Variants in MCF2L observed in about 807,000 individuals in gnomAD.
MCF2L encodes MCF.2 cell line derived transforming sequence like.
In MCF2L, 97 loss-of-function variants were observed where a neutral mutation model predicts 153.4. The observed-to-expected ratio is 0.63, with a 90% CI of 0.54 to 0.75. The LOEUF (loss-of-function observed/expected upper bound fraction) is 0.75, where lower values mean the gene tolerates loss of function less well. MCF2L is among the 30% of genes least tolerant of loss of function. The pLI is 0.00. For missense variants in MCF2L, 1,347 were observed against 1,495.2 expected (o/e 0.90, Z 1.64); for synonymous variants, 659 against 632.2 (o/e 1.04, Z -0.64).
Position 112,948,521 on chromosome 13 carries a change from G to T in MCF2L, c.169+46150G>T, listed in dbSNP as rs527272671. Among the ~76,000 whole-genome samples, 5 of 152,300 alleles carry T rather than the reference G, an allele frequency of 3.3e-5. No homozygotes were observed. In the South Asian group the frequency reaches 1.0e-3, roughly 32 times the overall value. On this transcript the variant is annotated intron_variant, in intron 2 of 29. Coordinates refer to the MCF2L transcript ENST00000375608. The stretch of plus-strand genomic sequence containing the variant: ...AGTCCTAGGACATGGACACAATTCA[G>T]TCAAGTTTTTTGCCACTTTGTAACA...
At chr13:113,091,170 C>G in intron 26 of MCF2L, 1 of 1,304,442 alleles carries the variant, frequency 7.7e-7, no homozygotes, top group Non-Finnish European at 1.0e-6. Flanking sequence ...AAGTAAAGAG[C>G]GACCCGACTC....
At chr13:112,944,156 GTCCTGGACTATGAAGGGAGGC>G (rs1225473345) in intron 2 of MCF2L, among the ~76,000 whole-genome samples, 2 of 148,818 alleles carry the variant, frequency 1.3e-5, no homozygotes, top group African/African-American at 2.5e-5. Flanking sequence ...TGAAGGGAGG[GTCCTGGACTATGAAGGGAGGC>G]TCCTGGGCTG....
chr13:112,950,490 T>G (rs543016436), intron 2 of MCF2L, among the ~76,000 whole-genome samples: 1 of 152,328 alleles, frequency 6.6e-6, no homozygotes, highest in South Asian at 2.1e-4. Flanking sequence ...TAGGGCTTAT[T>G]ATTGCCACAG....
At position 112,969,597 on chromosome 13, in the gene MCF2L, G is replaced by A; in HGVS notation, c.79+139G>A. 9 of 1,444,600 alleles carry A rather than the reference G, an allele frequency of 6.2e-6. No individual in the cohort carries two copies. The highest frequency in any genetic ancestry group is 7.5e-6 in the Non-Finnish European group (8 of 1,073,536). 89.5% of individuals were successfully genotyped at this position (1,444,600 alleles called of 1,614,324 possible). ...TGGTAGCTGTGACATGGGGGGCACT[G>A]GTTGGCAGCTGGTGTGTTTTCAGAG... is the stretch of plus-strand genomic sequence containing the variant. On this transcript the variant is annotated intron_variant, in intron 1 of 29. Coordinates refer to ENST00000535094, the MANE Select transcript of MCF2L (RefSeq NM_001112732.3). The surrounding 1 kb of genome is among the most constrained non-coding windows in gnomAD (Gnocchi z 4.8).
In MCF2L at chr13:113,053,808, G is replaced by T. The variant is rs2087537828; in HGVS notation, c.370-6785G>T. Among the ~76,000 whole-genome samples the T allele has an allele frequency of 6.6e-6, 1 of 152,126 alleles. No individual in the cohort carries two copies. The highest frequency in any genetic ancestry group is 2.4e-5 in the African/African-American group (1 of 41,420). On this transcript the variant is annotated intron_variant, in intron 4 of 29. Coordinates refer to ENST00000535094, the MANE Select transcript of MCF2L (RefSeq NM_001112732.3). The surrounding 1 kb of genome is among the most constrained non-coding windows in gnomAD (Gnocchi z 4.4). ...CTGCAGCTGTGTCTCCAGTGATCTT[G>T]CCTGTACTCTCCGCCTCTGCAGAGT...
At chr13:112,986,679 A>T (rs1272998609) in intron 1 of MCF2L, among the ~76,000 whole-genome samples, 2 of 152,172 alleles carry the variant, frequency 1.3e-5, no homozygotes, top group Non-Finnish European at 2.9e-5. Context: ...GGGAAGCCCC[A>T]TCGGAGGGTC....
intron 2 of MCF2L, among the ~76,000 whole-genome samples, chr13:112,942,796 T>C (rs2081589556): frequency 6.6e-6 from 1 of 152,274 alleles, no homozygotes; most frequent in African/African-American, 2.4e-5. Context: ...GTGGTTCTGC[T>C]CCCCTATTGT....
intron 2 of MCF2L, among the ~76,000 whole-genome samples, chr13:112,935,179 T>C (rs1240867855): frequency 2.0e-5 from 3 of 152,218 alleles, no homozygotes; most frequent in Non-Finnish European, 2.9e-5. Flanking sequence ...GTACATTCAC[T>C]AGAAACCATA....
At chr13:113,055,602 A>AT (rs1398352768) in intron 4 of MCF2L, among the ~76,000 whole-genome samples, 1 of 152,062 alleles carries the variant, frequency 6.6e-6, no homozygotes, top group Non-Finnish European at 1.5e-5. Context: ...AGTGTGAGGG[A>AT]TTTTCAGTCC....
chr13:113,078,749 C>T lies in MCF2L; in HGVS notation c.1808+10C>T. 1 of 1,591,216 alleles carries T rather than the reference C, an allele frequency of 6.3e-7. No homozygotes were observed. Among genetic ancestry groups the T allele is most frequent in the South Asian group, 1.1e-5 (1 of 88,618 alleles). On this transcript the variant is annotated intron_variant, in intron 15 of 29. Coordinates refer to ENST00000535094, the MANE Select transcript of MCF2L (RefSeq NM_001112732.3). ...TGGCCATCCTGCGCAGGTGGGTGCG[C>T]TGCCCTTCTGTCCTCACAGGGGCCC...
rs566855784 is a variant in MCF2L at position 113,055,988 on chromosome 13, A to C, written c.370-4605A>C. ...GCCTCCCCTCCCTCATCCACTCCGC[A>C]GCAGACACCCGCAGAGGACCTGCCA... On this transcript the variant is annotated intron_variant, in intron 4 of 29. Transcript: ENST00000535094. Among the ~76,000 whole-genome samples the C allele has an allele frequency of 3.1e-3, 467 of 152,302 alleles. 1 individual carries two copies. The highest frequency in any genetic ancestry group is 6.8e-3 in the Middle Eastern group (2 of 294).
chr13:113,023,489 G>A (rs1042271665), intron 2 of MCF2L, among the ~76,000 whole-genome samples: 1 of 152,178 alleles, frequency 6.6e-6, no homozygotes, highest in Non-Finnish European at 1.5e-5. Flanking sequence ...TGGCTGTGGG[G>A]GGCGCAAGGC....
chr13:112,968,866 TC>T, upstream of MCF2L: 1 of 942,056 alleles, frequency 1.1e-6, no homozygotes, highest in Non-Finnish European at 1.5e-6. Flanking sequence ...CCCGCGGGGC[TC>T]CCAGGGGACC....
chr13:113,074,515 T>A lies in MCF2L; in HGVS notation c.1068T>A (p.His356Gln), dbSNP rs762987954. ...TFTDIGNSLA[H>Q]VEHLLRDLAS... is the part of the protein sequence containing the mutation. Reference sequence around the variant, plus strand: ...CAGACATCGGCAACAGCCTGGCGCATGTGGAGCACCTGCTGAGGGACCTGG... The same window carrying A: ...CAGACATCGGCAACAGCCTGGCGCAAGTGGAGCACCTGCTGAGGGACCTGG... Residue 356 changes from histidine to glutamine, a missense_variant, in exon 10 of 30, where the codon CAT becomes CAA. Around this residue, in one of 3 missense-constraint regions of MCF2L, gnomAD observed 820 missense variants for 921.2 expected, o/e 0.89. Transcript: ENST00000535094. The surrounding 1 kb of genome is among the most constrained non-coding windows in gnomAD (Gnocchi z 4.2). 3 of 1,614,064 alleles carry A rather than the reference T, an allele frequency of 1.9e-6. No homozygotes were observed. Among genetic ancestry groups the A allele is most frequent in the East Asian group, 2.2e-5 (1 of 44,876 alleles).
rs564265450 is a variant in MCF2L, at chr13:112,998,706, C to T, written c.80-16057C>T. ...GTGTGGGGTCGATTCTGTCTTGCGC[C>T]GATTGGAGGCCTCTGCTGTGGGTGT... On this transcript the variant is annotated intron_variant, in intron 1 of 29. Coordinates refer to ENST00000535094, the MANE Select transcript of MCF2L (RefSeq NM_001112732.3). Among the ~76,000 whole-genome samples the T allele has an allele frequency of 3.3e-5, 5 of 152,248 alleles. No individual in the cohort carries two copies. The South Asian group carries it at 1.0e-3, about 32-fold the overall frequency.
In MCF2L at chr13:113,028,690, C is replaced by T. The variant is rs979599802; in HGVS notation, c.278+3932C>T. Among the ~76,000 whole-genome samples, 6 of 152,216 alleles carry T rather than the reference C, an allele frequency of 3.9e-5. No individual in the cohort carries two copies. Among genetic ancestry groups the T allele is most frequent in the Non-Finnish European group, 5.9e-5 (4 of 68,038 alleles). ...TGGAAGAGGCCTTTCTATCACCAAA[C>T]GCTCTAAATCAGATCCTGGAAATGC... On this transcript the variant is annotated intron_variant, in intron 3 of 29. Coordinates refer to ENST00000535094, the MANE Select transcript of MCF2L (RefSeq NM_001112732.3). The surrounding 1 kb of genome is among the most constrained non-coding windows in gnomAD (Gnocchi z 5.4).
intron 2 of MCF2L, chr13:112,909,829 T>C (rs2993331): frequency 0.75 from 115,445 of 152,984 alleles, 43,862 homozygotes; most frequent in South Asian, 0.88. Context: ...TTAGTAGAGA[T>C]GGGGTTTCAC....
rs112730857 is a variant in MCF2L at position 113,010,730 on chromosome 13, G to A, written c.80-4033G>A. Among the ~76,000 whole-genome samples the A allele has an allele frequency of 2.0e-3, 305 of 152,378 alleles. 2 individuals carry two copies. The highest frequency in any genetic ancestry group is 6.8e-3 in the African/African-American group (281 of 41,588). On this transcript the variant is annotated intron_variant, in intron 1 of 29. Coordinates refer to ENST00000535094, the MANE Select transcript of MCF2L (RefSeq NM_001112732.3). ...CCCCTCTCAGACCTGCCTCTGAGCA[G>A]TGGGGTCATCACTGGGGAGTTGGTT... is the stretch of plus-strand genomic sequence containing the variant.
At chr13:113,040,712 A>G (rs2086433102) in intron 3 of MCF2L, 1 of 152,286 alleles carries the variant, frequency 6.6e-6, no homozygotes, top group Non-Finnish European at 1.5e-5. Context: ...ATGTCCACGC[A>G]GCAGAGGCAG....
Sources: allele counts gnomAD v4.1 joint callset (sites outside exome capture counted in the v4.1 genomes callset), GRCh38; gene constraint gnomAD v4.1.1; regional missense constraint gnomAD v4.1.1; non-coding constraint Gnocchi (gnomAD v3.1); transcripts MANE v1.5; gene names NCBI Gene and HGNC (gene_info 2026-07-23, HGNC 2026-07-21).